GPRC6A: variants seen among roughly 807,000 people sequenced by gnomAD.
GPRC6A encodes the protein G protein-coupled receptor class C group 6 member A.
GPRC6A carries 54 observed loss-of-function variants against 47.0 expected under a neutral mutation model. That is an observed-to-expected ratio of 1.15 (90% CI 0.92 to 1.44). The LOEUF (loss-of-function observed/expected upper bound fraction) is 1.44. Ranked by LOEUF, GPRC6A falls within the 40% of genes most tolerant of loss-of-function variation. GPRC6A has a pLI of 0.00. For synonymous variants in GPRC6A, 347 were observed against 377.1 expected, an observed-to-expected ratio of 0.92 and a Z score of 0.93; for missense variants, 1,112 against 1,105.5, an observed-to-expected ratio of 1.01 and a Z score of -0.08.
At chr6:116,794,236 T>G (rs1772405686) in intron 5 of GPRC6A, among the ~76,000 whole-genome samples, 1 of 152,168 alleles carries the variant, frequency 6.6e-6, no homozygotes, top group Non-Finnish European at 1.5e-5. Flanking sequence ...AAAGTAAGGT[T>G]GTATTTCTGT....
At chr6:116,829,139 ACACT>A, upstream of GPRC6A, 1 of 1,065,380 alleles carries the variant, frequency 9.4e-7, no homozygotes, top group Non-Finnish European at 1.3e-6. Flanking sequence ...AAGGCCAGAA[ACACT>A]CAGTATTCAG....
rs879546076 is a variant in GPRC6A at position 116,821,112 on chromosome 6, G to T, written c.194+7708C>A. On this transcript the variant is annotated intron_variant, in intron 1 of 5. Transcript: ENST00000310357. ...CATGAGTGAACTCCCATTCACAATT[G>T]CTTCAAAGAGAATAAAATACCTAGG... is the stretch of plus-strand genomic sequence containing the variant. 6.6e-3 allele frequency among the ~76,000 whole-genome samples: 992 copies of T among 150,932 alleles called. 3 individuals carry two copies. Among genetic ancestry groups the T allele is most frequent in the South Asian group, 0.011 (52 of 4,766 alleles).
At chr6:116,801,154 A>G (rs768810593) in intron 3 of GPRC6A, among the ~76,000 whole-genome samples, 1 of 152,168 alleles carries the variant, frequency 6.6e-6, no homozygotes, top group African/African-American at 2.4e-5. Context: ...AAGTACAATT[A>G]CTTTCTATCT....
chr6:116,798,881 T>A (rs1470613392), intron 4 of GPRC6A, among the ~76,000 whole-genome samples: 1 of 146,960 alleles, frequency 6.8e-6, no homozygotes, highest in Non-Finnish European at 1.5e-5. Context: ...AGAATCCATC[T>A]TGGAAAAAAA....
chr6:116,813,321 C>G (rs1773090018), intron 1 of GPRC6A, among the ~76,000 whole-genome samples: 1 of 152,150 alleles, frequency 6.6e-6, no homozygotes, highest in South Asian at 2.1e-4. Flanking sequence ...GCAAAAAGAA[C>G]AAAGCTGGAG....
intron 1 of GPRC6A, among the ~76,000 whole-genome samples, chr6:116,821,096 A>G (rs1295817185): frequency 6.7e-5 from 10 of 150,048 alleles, no homozygotes; most frequent in Admixed American, 1.3e-4. Context: ...TCATGAGTGA[A>G]CTCCCATTCA....
At chr6:116,825,378 T>A (rs1240924399) in intron 1 of GPRC6A, among the ~76,000 whole-genome samples, 1 of 152,004 alleles carries the variant, frequency 6.6e-6, no homozygotes, top group African/African-American at 2.4e-5. Flanking sequence ...TATAAACAAA[T>A]TCAGTAAAGT....
At chr6:116,812,541 A>G (rs1024923138) in intron 1 of GPRC6A, among the ~76,000 whole-genome samples, 8 of 152,152 alleles carry the variant, frequency 5.3e-5, no homozygotes, top group Admixed American at 4.6e-4. Context: ...TATATAAAAC[A>G]AACGGTAAGC....
intron 1 of GPRC6A, among the ~76,000 whole-genome samples, chr6:116,819,615 A>G (rs1364116684): frequency 1.3e-5 from 2 of 152,236 alleles, no homozygotes; most frequent in East Asian, 1.9e-4. Context: ...ACTACTGGGT[A>G]CATAATGAAA....
Position 116,792,708 on chromosome 6 carries a change from C to A in GPRC6A, c.2215G>T (p.Val739Phe). 6.2e-7 allele frequency: 1 copy of A among 1,612,974 alleles called. No individual in the cohort carries two copies. ...TVEVNVSLPR[V>F]IILECEEGSI... is the part of the protein sequence containing the mutation. ...CCCTCCTCACACTCCAGGATGATGACTCTGGGCAAGGAGACATTCACCTCT... is the reference window on the plus strand; with the variant it reads ...CCCTCCTCACACTCCAGGATGATGAATCTGGGCAAGGAGACATTCACCTCT... The change falls in exon 6 of 6, where the codon GTC becomes TTC. Residue 739 changes from valine (V) to phenylalanine (F), a missense_variant. Physicochemically the swap from Val to Phe is conservative, Grantham distance 50. Transcript: ENST00000310357.
At chr6:116,824,234 G>C (rs895094979) in intron 1 of GPRC6A, among the ~76,000 whole-genome samples, 5 of 150,734 alleles carry the variant, frequency 3.3e-5, no homozygotes, top group Non-Finnish European at 3.0e-5. Flanking sequence ...TAGAAGGAAA[G>C]AAATAATAAA....
At chr6:116,828,467 C>T (rs1773739471) in intron 1 of GPRC6A, among the ~76,000 whole-genome samples, 1 of 151,980 alleles carries the variant, frequency 6.6e-6, no homozygotes, top group African/African-American at 2.4e-5. Context: ...GTGTTTAAAA[C>T]AAAATACATG....
At chr6:116,814,534 A>T (rs898268550) in intron 1 of GPRC6A, among the ~76,000 whole-genome samples, 5 of 152,280 alleles carry the variant, frequency 3.3e-5, no homozygotes, top group Non-Finnish European at 5.9e-5. Context: ...GTTCTCACTC[A>T]TAGGTGGGAA....
intron 5 of GPRC6A, 96 bp from the exon 6 acceptor site, chr6:116,793,346 G>C: frequency 1.2e-6 from 1 of 810,322 alleles, no homozygotes. Context: ...TAATAGTTCT[G>C]ACTAGAGAAT....
In GPRC6A at chr6:116,800,801, A is replaced by G. The variant is rs1045303704; in HGVS notation, c.1336-5T>C. On this transcript the variant is annotated splice_polypyrimidine_tract_variant and splice_region_variant and intron_variant, in intron 3 of 5. Coordinates refer to ENST00000310357, the MANE Select transcript of GPRC6A (RefSeq NM_148963.4). ...ATTTTTTAGCACACCAAGTAACTAT[A>G]AAAAATAAAAACAGAGATAAGCACT... 3.8e-6 allele frequency: 6 copies of G among 1,568,604 alleles called. No homozygotes were observed. The African/African-American group carries it at 8.1e-5, about 21-fold the overall frequency.
chr6:116,800,590 A>G lies in GPRC6A; in HGVS notation c.1542T>C (p.Asn514=). The change falls in exon 4 of 6, where the codon AAT becomes AAC. Residue 514 remains asparagine, a synonymous_variant. Coordinates refer to ENST00000310357, the MANE Select transcript of GPRC6A (RefSeq NM_148963.4). ...CGGCCTACAACAAGGTTACCTTAAG[A>G]TTCCTGAACTCATTTTTTGTTTCCT... The part of the protein sequence containing the change: ...PDQETKNEFR[N]LKQIQSKCSK... 6.2e-7 allele frequency: 1 copy of G among 1,610,908 alleles called. No homozygotes were observed. The highest frequency in any genetic ancestry group is 8.5e-7 in the Non-Finnish European group (1 of 1,177,324).
chr6:116,800,296 TTCTC>T (rs1433096798), intron 4 of GPRC6A, among the ~76,000 whole-genome samples: 172 of 120,760 alleles, frequency 1.4e-3, no homozygotes, highest in East Asian at 0.014. Flanking sequence ...CTTCCTCTCT[TTCTC>T]TCTCTCCCTT....
At chr6:116,795,244 T>A (rs1772441297) in intron 5 of GPRC6A, among the ~76,000 whole-genome samples, 1 of 152,172 alleles carries the variant, frequency 6.6e-6, no homozygotes, top group Non-Finnish European at 1.5e-5. Flanking sequence ...TTAACTTTTG[T>A]TTCCTGGTAG....
intron 3 of GPRC6A, among the ~76,000 whole-genome samples, chr6:116,804,657 G>T (rs1354574391): frequency 6.6e-6 from 1 of 151,964 alleles, no homozygotes; most frequent in East Asian, 1.9e-4. Context: ...ATGACTCCAG[G>T]CTCCTAGTGT....
Sources: allele counts gnomAD v4.1 joint callset (sites outside exome capture counted in the v4.1 genomes callset), GRCh38; gene constraint gnomAD v4.1.1; transcripts MANE v1.5; gene names NCBI Gene and HGNC (gene_info 2026-07-23, HGNC 2026-07-21).